TENM4: variants seen among roughly 807,000 people sequenced by gnomAD.
TENM4 encodes teneurin-4.
Under a neutral mutation model 243.3 loss-of-function variants are expected in TENM4, and 82 were observed. The ratio of observed to expected loss-of-function variants is 0.34; its 90% CI spans 0.28 to 0.40. The LOEUF is 0.40. TENM4 is among the 10% of genes least tolerant of loss of function. The pLI, the probability that TENM4 is intolerant of heterozygous loss-of-function variation, is 1.00. For missense variants in TENM4, 3,138 were observed against 3,673.3 expected (o/e 0.85, Z 3.77); for synonymous variants, 1,412 against 1,456.3 (o/e 0.97, Z 0.69).
intron 1 of TENM4, among the ~76,000 whole-genome samples, chr11:79,310,171 T>A (rs988201093): frequency 1.3e-5 from 2 of 152,154 alleles, no homozygotes; most frequent in Admixed American, 6.5e-5. Context: ...TAGAAACAGA[T>A]GCCAAATGAA....
At chr11:78,770,680 T>G (rs955113098) in intron 18 of TENM4, among the ~76,000 whole-genome samples, 29 of 152,256 alleles carry the variant, frequency 1.9e-4, no homozygotes, top group African/African-American at 7.0e-4. Context: ...GGGGGACCCA[T>G]AACTTTGCCA....
intron 19 of TENM4, among the ~76,000 whole-genome samples, chr11:78,743,144 T>C (rs1042751053): frequency 2.6e-5 from 4 of 152,208 alleles, no homozygotes; most frequent in Admixed American, 1.3e-4. Flanking sequence ...GCAATACTTA[T>C]ACTTATCACT....
intron 18 of TENM4, among the ~76,000 whole-genome samples, chr11:78,759,047 T>C (rs1190411292): frequency 6.6e-6 from 1 of 152,228 alleles, no homozygotes; most frequent in Non-Finnish European, 1.5e-5. Flanking sequence ...TTTCCCTTCC[T>C]CATCCTGAAC....
In TENM4 at chr11:79,355,985, C is replaced by T. The variant is rs971774540; in HGVS notation, c.-320-58442G>A. On this transcript the variant is annotated intron_variant, in intron 1 of 33. Transcript: ENST00000278550. ...GGGGTTTGAGGGGCCCAAGGCAGAA[C>T]TTCTTTCATATTACTTAGGTCTACT... is the stretch of plus-strand genomic sequence containing the variant. Among the ~76,000 whole-genome samples, 3 of 152,286 alleles carry T rather than the reference C, an allele frequency of 2.0e-5. No homozygotes were observed. In the East Asian group the frequency reaches 5.8e-4, roughly 29 times the overall value.
intron 4 of TENM4, chr11:79,093,595 T>A (rs970251467): frequency 6.6e-6 from 1 of 152,248 alleles, no homozygotes; most frequent in Non-Finnish European, 1.5e-5. Flanking sequence ...TGGTCCAGTG[T>A]GGGAAGTCCT....
At chr11:79,173,558 T>C (rs938836054) in intron 3 of TENM4, among the ~76,000 whole-genome samples, 1 of 152,182 alleles carries the variant, frequency 6.6e-6, no homozygotes, top group Non-Finnish European at 1.5e-5. Context: ...TTATTCATTA[T>C]CAATAATAAA....
chr11:79,414,066 C>G (rs1380290494), intron 1 of TENM4, among the ~76,000 whole-genome samples: 1 of 151,962 alleles, frequency 6.6e-6, no homozygotes, highest in Non-Finnish European at 1.5e-5. Context: ...CCTCAAAATT[C>G]AACTTGACTT....
intron 31 of TENM4, among the ~76,000 whole-genome samples, chr11:78,671,725 G>C (rs2135678494): frequency 6.6e-6 from 1 of 152,252 alleles, no homozygotes; most frequent in Middle Eastern, 3.4e-3. Context: ...CTAGACCTGG[G>C]AGCAGACCCT....
chr11:78,905,416 G>A (rs1856040244), intron 6 of TENM4, among the ~76,000 whole-genome samples: 1 of 152,162 alleles, frequency 6.6e-6, no homozygotes, highest in South Asian at 2.1e-4. Flanking sequence ...AGTTAGGGGT[G>A]GAAGGGAGAA....
At chr11:79,099,674 T>TC (rs1861172907) in intron 4 of TENM4, among the ~76,000 whole-genome samples, 1 of 152,238 alleles carries the variant, frequency 6.6e-6, no homozygotes, top group Non-Finnish European at 1.5e-5. Flanking sequence ...GCTGACACCC[T>TC]ATACATCTGT....
intron 6 of TENM4, among the ~76,000 whole-genome samples, chr11:78,950,368 G>A (rs1338727186): frequency 6.6e-6 from 1 of 151,994 alleles, no homozygotes; most frequent in Non-Finnish European, 1.5e-5. Flanking sequence ...TGTGCAGCAG[G>A]GTAGGGTATA....
intron 6 of TENM4, among the ~76,000 whole-genome samples, chr11:78,983,626 G>C (rs1857853080): frequency 6.6e-6 from 1 of 152,248 alleles, no homozygotes; most frequent in Admixed American, 6.5e-5. Flanking sequence ...GGCAGGGAGA[G>C]GCCTTGCCTG....
At chr11:79,033,403 A>G (rs564975640) in intron 6 of TENM4, among the ~76,000 whole-genome samples, 2 of 152,350 alleles carry the variant, frequency 1.3e-5, no homozygotes, top group Admixed American at 1.3e-4. Flanking sequence ...CCAAGAAGGA[A>G]GGATACTAAT....
chr11:79,207,945 G>A (rs1302987219), intron 3 of TENM4, among the ~76,000 whole-genome samples: 1 of 151,508 alleles, frequency 6.6e-6, no homozygotes, highest in East Asian at 1.9e-4. Context: ...GGCTTCCTCT[G>A]GAGAGCAACG....
rs78985179 is a variant in TENM4, at chr11:78,768,002, T to C, written c.2539+2990A>G. Among the ~76,000 whole-genome samples, 8 of 152,336 alleles carry C rather than the reference T, an allele frequency of 5.3e-5. No individual in the cohort carries two copies. The East Asian group carries it at 1.5e-3, about 29-fold the overall frequency. ...CTTGGCTGAACTGAAAGTAGCCCAA[T>C]GCAAATATGGTTTACTCTTGTGCTC... On this transcript the variant is annotated intron_variant, in intron 18 of 33. Coordinates refer to ENST00000278550, the MANE Select transcript of TENM4 (RefSeq NM_001098816.3).
At chr11:79,322,300 A>C (rs1856903949) in intron 1 of TENM4, among the ~76,000 whole-genome samples, 1 of 152,214 alleles carries the variant, frequency 6.6e-6, no homozygotes, top group Non-Finnish European at 1.5e-5. Context: ...ACAAGGCTAG[A>C]GGCTTAAAAG....
intron 12 of TENM4, among the ~76,000 whole-genome samples, chr11:78,832,981 T>C (rs748880971): frequency 5.3e-5 from 8 of 152,234 alleles, no homozygotes; most frequent in Non-Finnish European, 1.2e-4. Flanking sequence ...ATGCTGGGTG[T>C]GGACCTTGCC....
At chr11:78,901,868 A>G (rs1316475241) in intron 7 of TENM4, among the ~76,000 whole-genome samples, 1 of 152,230 alleles carries the variant, frequency 6.6e-6, no homozygotes, top group Non-Finnish European at 1.5e-5. Flanking sequence ...CTTGGGCTGC[A>G]TCTCTAAGAA....
intron 1 of TENM4, among the ~76,000 whole-genome samples, chr11:79,399,237 A>C (rs1392806620): frequency 6.6e-6 from 1 of 152,236 alleles, no homozygotes; most frequent in Non-Finnish European, 1.5e-5. Flanking sequence ...ACAGAATATG[A>C]GTTCCAACTC....
Sources: gnomAD v4.1 joint callset for allele counts (sites outside exome capture counted in the v4.1 genomes callset) on GRCh38, gnomAD v4.1.1 for gene constraint, MANE v1.5 for transcripts, NCBI Gene and HGNC (gene_info 2026-07-23, HGNC 2026-07-21) for gene names.